Variants in KALRN observed in about 807,000 individuals in gnomAD.
KALRN encodes kalirin.
Under a neutral mutation model 353.7 loss-of-function variants are expected in KALRN, and 70 were observed. That is an observed-to-expected ratio of 0.20 (90% CI 0.16 to 0.24). The LOEUF is 0.24. KALRN is among the 10% of genes least tolerant of loss of function. The probability of loss-of-function intolerance (pLI) is 1.00; values close to 1 mark genes in which losing one functional copy is unlikely to be tolerated. For synonymous variants in KALRN, 1,391 were observed against 1,434.8 expected (o/e 0.97, Z 0.69); for missense variants, 2,791 against 3,756.7 (o/e 0.74, Z 6.72).
rs61386321 is a variant in KALRN, at chr3:124,455,455, C to A, written c.3735+96C>A. ...ATGGAAGAAAAGCATGTTTCCAGAGCAGTTCTTCTGAGCTATTGACTCCTA... is the reference window on the plus strand; with the variant it reads ...ATGGAAGAAAAGCATGTTTCCAGAGAAGTTCTTCTGAGCTATTGACTCCTA... On this transcript the variant is annotated intron_variant, in intron 22 of 59. Transcript: ENST00000682506. The A allele has an allele frequency of 3.2e-6, 4 of 1,269,800 alleles. No homozygotes were observed. In the African/African-American group the frequency reaches 4.5e-5, roughly 14 times the overall value. The allele number at this position is 1,269,800 out of a possible 1,614,324, so 78.7% of individuals were successfully genotyped here.
intron 34 of KALRN, among the ~76,000 whole-genome samples, chr3:124,577,911 G>A (rs1392756743): frequency 6.6e-6 from 1 of 152,032 alleles, no homozygotes; most frequent in Non-Finnish European, 1.5e-5. Context: ...ACCATATTTG[G>A]AGTTCAAATT....
At chr3:124,110,582 G>T (rs557893736) in intron 1 of KALRN, among the ~76,000 whole-genome samples, 1 of 151,686 alleles carries the variant, frequency 6.6e-6, no homozygotes, top group African/African-American at 2.4e-5. Context: ...CTTTTTCCTT[G>T]TGTTTTTTAT....
chr3:124,178,746 A>C (rs952055373), intron 1 of KALRN, among the ~76,000 whole-genome samples: 1 of 152,232 alleles, frequency 6.6e-6, no homozygotes, highest in Non-Finnish European at 1.5e-5. Context: ...GTGAAGGCCT[A>C]CCACATTACT....
At chr3:124,205,837 G>C (rs1274530627) in intron 1 of KALRN, among the ~76,000 whole-genome samples, 1 of 152,164 alleles carries the variant, frequency 6.6e-6, no homozygotes, top group Non-Finnish European at 1.5e-5. Flanking sequence ...TGGAGGACCT[G>C]TCAAATCCCT....
chr3:124,584,756 C>G (rs771573722), intron 34 of KALRN: 4 of 1,537,638 alleles, frequency 2.6e-6, no homozygotes, highest in Non-Finnish European at 3.5e-6. Context: ...AAGTTTCCTT[C>G]CCGCCGCGCT....
intron 33 of KALRN, among the ~76,000 whole-genome samples, chr3:124,536,185 C>G (rs2068495603): frequency 6.7e-6 from 1 of 150,370 alleles, no homozygotes; most frequent in Admixed American, 6.7e-5. Context: ...CAAGTCTTTG[C>G]CATCCATACT....
intron 33 of KALRN, among the ~76,000 whole-genome samples, chr3:124,552,444 A>G (rs2070664049): frequency 6.6e-6 from 1 of 152,230 alleles, no homozygotes; most frequent in Non-Finnish European, 1.5e-5. Context: ...TTAGTTTGCC[A>G]GGTTTCTATG....
intron 18 of KALRN, 32 bp from the exon 19 acceptor site, chr3:124,441,913 G>A (rs1184939116): frequency 7.2e-7 from 1 of 1,380,780 alleles, no homozygotes; most frequent in Non-Finnish European, 1.0e-6. Flanking sequence ...ACACCTGCTG[G>A]GACAGGGGCC....
intron 34 of KALRN, among the ~76,000 whole-genome samples, chr3:124,592,608 C>A (rs1192421324): frequency 2.6e-5 from 4 of 152,102 alleles, no homozygotes. Context: ...CTGTTTTTGC[C>A]TAGATAAAAA....
chr3:124,267,076 G>A (rs1187791156), intron 4 of KALRN, among the ~76,000 whole-genome samples: 1 of 152,160 alleles, frequency 6.6e-6, no homozygotes, highest in African/African-American at 2.4e-5. Context: ...CCAATCAAAG[G>A]AATATTTATA....
chr3:124,161,230 G>T (rs889752377), intron 1 of KALRN, among the ~76,000 whole-genome samples: 6 of 152,196 alleles, frequency 3.9e-5, no homozygotes, highest in Non-Finnish European at 7.3e-5. Flanking sequence ...GAGTAAATTT[G>T]CCACTCCAGA....
intron 34 of KALRN, among the ~76,000 whole-genome samples, chr3:124,579,838 A>T (rs907527441): frequency 6.6e-5 from 10 of 151,840 alleles, no homozygotes; most frequent in African/African-American, 2.4e-4. Flanking sequence ...CATTGCATAA[A>T]CTCGAGTCAT....
chr3:124,033,458 G>A lies in KALRN; in HGVS notation c.-283G>A, dbSNP rs2039076681. Among the ~76,000 whole-genome samples the A allele has an allele frequency of 6.6e-6, 1 of 151,900 alleles. No individual in the cohort carries two copies. The highest frequency in any genetic ancestry group is 2.1e-4 in the South Asian group (1 of 4,830). On this transcript the variant is annotated 5_prime_UTR_variant, in exon 1 of 60. Coordinates refer to ENST00000682506, the MANE Select transcript of KALRN (RefSeq NM_001388419.1). This position sits in a 1 kb window ranked among gnomAD's most constrained non-coding sequence, Gnocchi z 6.2. ...CAGGCAGCCCGCACCCCGGCCCCGG[G>A]CCCCGGCCCCAGCCAGACAGCAGGC...
intron 1 of KALRN, among the ~76,000 whole-genome samples, chr3:124,051,682 T>C (rs1679622364): frequency 6.6e-6 from 1 of 152,060 alleles, no homozygotes; most frequent in African/African-American, 2.4e-5. Context: ...TTTTATACAC[T>C]ATACTCAATC....
rs1577083041 is a variant in KALRN at position 124,457,236 on chromosome 3, AT to A, written c.3854+513del. On this transcript the variant is annotated intron_variant, in intron 23 of 59. Coordinates refer to ENST00000682506, the MANE Select transcript of KALRN (RefSeq NM_001388419.1). ...AGGTGTGCGCCACCATGCCTAGCTAATTTTTGTATTTTTAATAGAAACGGGG... is the reference window on the plus strand; with the variant it reads ...AGGTGTGCGCCACCATGCCTAGCTAATTTTGTATTTTTAATAGAAACGGGG... Among the ~76,000 whole-genome samples, 4 of 151,812 alleles carry A rather than the reference AT, an allele frequency of 2.6e-5. 1 individual carries two copies. The South Asian group carries it at 8.4e-4, about 32-fold the overall frequency.
chr3:124,514,665 A>G (rs986618082), intron 33 of KALRN, among the ~76,000 whole-genome samples: 2 of 152,196 alleles, frequency 1.3e-5, no homozygotes, highest in African/African-American at 4.8e-5. Context: ...AAAGTGGCAG[A>G]GATGAGATTT....
chr3:124,363,012 G>T (rs943198803), intron 10 of KALRN, among the ~76,000 whole-genome samples: 1 of 152,124 alleles, frequency 6.6e-6, no homozygotes, highest in Non-Finnish European at 1.5e-5. Flanking sequence ...TCAAGGTTTG[G>T]ATATCCCAGT....
At chr3:124,340,779 AC>A (rs1367692574) in intron 9 of KALRN, among the ~76,000 whole-genome samples, 2 of 152,078 alleles carry the variant, frequency 1.3e-5, no homozygotes, top group African/African-American at 4.8e-5. Flanking sequence ...ACATGGCAAA[AC>A]CCCGTCTCTA....
intron 3 of KALRN, among the ~76,000 whole-genome samples, chr3:124,263,700 TG>T (rs1474542943): frequency 6.6e-6 from 1 of 152,240 alleles, no homozygotes; most frequent in Non-Finnish European, 1.5e-5. Flanking sequence ...TCTCATCAAC[TG>T]GCAGAATCAA....
Sources: allele counts gnomAD v4.1 joint callset (sites outside exome capture counted in the v4.1 genomes callset), GRCh38; gene constraint gnomAD v4.1.1; non-coding constraint Gnocchi (gnomAD v3.1); transcripts MANE v1.5; gene names NCBI Gene and HGNC (gene_info 2026-07-23, HGNC 2026-07-21).